DOCK1: variants seen among roughly 807,000 people sequenced by gnomAD.
The protein encoded by DOCK1 is dedicator of cytokinesis 1, also known as dedicator of cytokinesis protein 1.
Under a neutral mutation model 262.7 loss-of-function variants are expected in DOCK1, and 138 were observed. That is an observed-to-expected ratio of 0.53 (90% CI 0.46 to 0.61). The LOEUF is 0.61. Among genes scored for constraint, DOCK1 ranks in the 20% least tolerant of loss-of-function variants. The pLI is 0.00. For missense variants in DOCK1, 1,908 were observed against 2,370.7 expected (o/e 0.80, Z 4.05); for synonymous variants, 866 against 867.4 (o/e 1.00, Z 0.03).
At chr10:127,338,907 AT>A (rs2063308391) in intron 29 of DOCK1, 98 bp from the exon 30 acceptor site, 1 of 1,063,290 alleles carries the variant, frequency 9.4e-7, no homozygotes, top group South Asian at 1.4e-5. Flanking sequence ...GAGAGTTCAC[AT>A]TCCAGACAGT....
intron 4 of DOCK1, among the ~76,000 whole-genome samples, chr10:126,986,373 T>A (rs7920765): frequency 0.29 from 43,699 of 151,898 alleles, 6,955 homozygotes; most frequent in South Asian, 0.42. Context: ...ACATCAAGGG[T>A]TGTAGGTGGG....
chr10:127,411,353 A>T (rs965261707), intron 43 of DOCK1, among the ~76,000 whole-genome samples: 6 of 152,082 alleles, frequency 3.9e-5, no homozygotes, highest in African/African-American at 7.2e-5. Flanking sequence ...CTCATTCCTC[A>T]TTCAGTATCC....
intron 29 of DOCK1, among the ~76,000 whole-genome samples, chr10:127,312,953 A>G (rs952114939): frequency 4.6e-5 from 7 of 152,034 alleles, no homozygotes; most frequent in Non-Finnish European, 1.0e-4. Context: ...GCCATTTAGG[A>G]GAGATGTTAA....
At chr10:127,320,528 G>T (rs1564989760) in intron 29 of DOCK1, among the ~76,000 whole-genome samples, 1 of 152,176 alleles carries the variant, frequency 6.6e-6, no homozygotes, top group Non-Finnish European at 1.5e-5. Context: ...AGCTGGGGAA[G>T]GCAGGTGGGG....
At chr10:127,354,444 C>T (rs987220353) in intron 31 of DOCK1, among the ~76,000 whole-genome samples, 6 of 152,276 alleles carry the variant, frequency 3.9e-5, no homozygotes, top group Admixed American at 6.5e-5. Flanking sequence ...ACGTTCCCAC[C>T]GGGGGGAAGA....
chr10:127,015,196 T>TA (rs534815218), intron 12 of DOCK1: 7,144 of 149,388 alleles, frequency 0.048, 220 homozygotes, highest in Non-Finnish European at 0.069. Flanking sequence ...AAAAAATATT[T>TA]AAAAAAAAAA....
intron 24 of DOCK1, among the ~76,000 whole-genome samples, chr10:127,107,399 C>A (rs2048596623): frequency 6.6e-6 from 1 of 152,202 alleles, no homozygotes; most frequent in Non-Finnish European, 1.5e-5. Flanking sequence ...CGCTGTCCCC[C>A]ACGAATCATT....
rs757262068 is a variant in DOCK1, at chr10:127,446,139, A to T, written c.5414-1255A>T. Among the ~76,000 whole-genome samples the T allele has an allele frequency of 1.2e-4, 19 of 152,118 alleles. No individual in the cohort carries two copies. The highest frequency in any genetic ancestry group is 2.5e-4 in the Non-Finnish European group (17 of 68,030). The stretch of plus-strand genomic sequence containing the variant: ...GTGGTGCGTGCCTATAATCTCAGCT[A>T]CTCAGAAGGCTGAGGCAGGAGAATC... On this transcript the variant is annotated intron_variant, in intron 50 of 51. Coordinates refer to ENST00000623213, the MANE Select transcript of DOCK1 (RefSeq NM_001290223.2). The surrounding 1 kb of genome is among the most constrained non-coding windows in gnomAD (Gnocchi z 4.4).
At chr10:127,420,584 G>A (rs550909950) in intron 46 of DOCK1, among the ~76,000 whole-genome samples, 14 of 152,234 alleles carry the variant, frequency 9.2e-5, no homozygotes, top group African/African-American at 2.2e-4. Flanking sequence ...ACCAGGTGTC[G>A]TAGCCCAGGC....
intron 29 of DOCK1, among the ~76,000 whole-genome samples, chr10:127,314,867 CAGT>C (rs1310756234): frequency 3.3e-5 from 5 of 152,230 alleles, no homozygotes; most frequent in African/African-American, 1.2e-4. Flanking sequence ...TTGTAACACA[CAGT>C]AGCAGTGGTG....
At position 126,995,206 on chromosome 10, in the gene DOCK1, G is replaced by A. The variant is rs190236095; in HGVS notation, c.474-1542G>A. On this transcript the variant is annotated intron_variant, in intron 6 of 51. Transcript: ENST00000623213. This position sits in a 1 kb window ranked among gnomAD's most constrained non-coding sequence, Gnocchi z 5.8. ...TCCTCACTTCCCAGACTGGGTGGCC[G>A]GGCAGACACGCTCCTCACTTCCCAG... 6.2e-4 allele frequency among the ~76,000 whole-genome samples: 94 copies of A among 151,150 alleles called. No individual in the cohort carries two copies. The highest frequency in any genetic ancestry group is 1.4e-3 in the African/African-American group (56 of 41,152).
intron 1 of DOCK1, among the ~76,000 whole-genome samples, chr10:126,918,970 A>G: frequency 6.6e-6 from 1 of 151,254 alleles, no homozygotes; most frequent in Non-Finnish European, 1.5e-5. Flanking sequence ...GATTTGGAGG[A>G]GGAGAAAGCC....
intron 29 of DOCK1, among the ~76,000 whole-genome samples, chr10:127,314,604 A>G (rs564849435): frequency 0.023 from 3,440 of 152,280 alleles, 133 homozygotes; most frequent in African/African-American, 0.078. Context: ...TTTTGTTGAA[A>G]CACTAGGTTT....
rs1592023331 is a variant in DOCK1 at position 127,100,221 on chromosome 10, G to A, written c.2446-6010G>A. On this transcript the variant is annotated intron_variant, in intron 23 of 51. Transcript: ENST00000623213. This position sits in a 1 kb window ranked among gnomAD's most constrained non-coding sequence, Gnocchi z 5.5. The stretch of plus-strand genomic sequence containing the variant: ...GGGTCAGCGTGGAGGCAGGGAGGGC[G>A]GGTAGGAGGCTGTGGCAGCAAAGCC... Among the ~76,000 whole-genome samples, 1 of 152,204 alleles carries A rather than the reference G, an allele frequency of 6.6e-6. No individual in the cohort carries two copies.
At chr10:127,041,171 C>T (rs2043988940) in intron 19 of DOCK1, among the ~76,000 whole-genome samples, 1 of 152,148 alleles carries the variant, frequency 6.6e-6, no homozygotes, top group Non-Finnish European at 1.5e-5. Flanking sequence ...GATCTTGGCT[C>T]ACCACAACCT....
chr10:126,921,148 C>T (rs560713203), intron 1 of DOCK1, among the ~76,000 whole-genome samples: 55 of 149,122 alleles, frequency 3.7e-4, no homozygotes, highest in African/African-American at 1.2e-3. Context: ...TGCAGTGAGC[C>T]GAGGTCGCAC....
At chr10:127,406,945 C>T (rs145185504) in intron 40 of DOCK1, among the ~76,000 whole-genome samples, 2 of 151,622 alleles carry the variant, frequency 1.3e-5, no homozygotes, top group South Asian at 2.1e-4. Context: ...TTTGGAAGTG[C>T]GTGGCTTTAT....
intron 1 of DOCK1, among the ~76,000 whole-genome samples, chr10:126,949,687 C>G (rs1451356713): frequency 1.3e-5 from 2 of 152,118 alleles, no homozygotes; most frequent in African/African-American, 4.8e-5. Flanking sequence ...CAGGAAGGAT[C>G]TGGAGGGGAA....
intron 6 of DOCK1, among the ~76,000 whole-genome samples, chr10:126,992,339 G>A (rs767609507): frequency 2.6e-5 from 4 of 152,158 alleles, no homozygotes; most frequent in Non-Finnish European, 5.9e-5. Context: ...AGTTAAGGAA[G>A]GAAGTGTTTC....
Sources: gnomAD v4.1 joint callset for allele counts (sites outside exome capture counted in the v4.1 genomes callset) on GRCh38, gnomAD v4.1.1 for gene constraint, Gnocchi (gnomAD v3.1) non-coding constraint, MANE v1.5 for transcripts, NCBI Gene and HGNC (gene_info 2026-07-23, HGNC 2026-07-21) for gene names.